The following ZNF385D variants were observed in gnomAD, a reference collection of about 807,000 sequenced individuals.
ZNF385D encodes zinc finger protein 659.
Under a neutral mutation model 35.8 loss-of-function variants are expected in ZNF385D, and 15 were observed. The ratio of observed to expected loss-of-function variants is 0.42; its 90% CI spans 0.28 to 0.64. The LOEUF (loss-of-function observed/expected upper bound fraction) is 0.64, where lower values mean the gene tolerates loss of function less well. Ranked by LOEUF, ZNF385D falls within the 30% of genes least tolerant of loss-of-function variation. ZNF385D has a pLI of 0.23. For synonymous variants in ZNF385D, 212 were observed against 186.8 expected (o/e 1.13, Z -1.10); for missense variants, 474 against 494.6 (o/e 0.96, Z 0.39).
intron 2 of ZNF385D, among the ~76,000 whole-genome samples, chr3:22,267,544 C>G (rs923638983): frequency 3.3e-5 from 5 of 151,828 alleles, no homozygotes; most frequent in African/African-American, 1.2e-4. Context: ...ATAGTCAAAT[C>G]AATATTTCTC....
intron 2 of ZNF385D, among the ~76,000 whole-genome samples, chr3:21,614,595 T>C (rs986012650): frequency 1.3e-5 from 2 of 152,040 alleles, no homozygotes; most frequent in African/African-American, 4.8e-5. Flanking sequence ...GATTTTTTGT[T>C]TGTTTGTTTT....
chr3:22,028,241 G>C (rs528364412), intron 3 of ZNF385D, among the ~76,000 whole-genome samples: 5 of 152,272 alleles, frequency 3.3e-5, no homozygotes, highest in African/African-American at 9.6e-5. Context: ...TGTGACCTCA[G>C]CAGAAGAGAA....
intron 3 of ZNF385D, among the ~76,000 whole-genome samples, chr3:21,976,901 T>C (rs967861903): frequency 2.0e-5 from 3 of 152,118 alleles, no homozygotes; most frequent in Admixed American, 1.3e-4. Flanking sequence ...GGAAGGAGAA[T>C]TGTTTGAACC....
At chr3:22,266,341 T>C (rs1700894521) in intron 2 of ZNF385D, among the ~76,000 whole-genome samples, 1 of 151,910 alleles carries the variant, frequency 6.6e-6, no homozygotes, top group South Asian at 2.1e-4. Flanking sequence ...TTAATGCACA[T>C]CTCTTGATCA....
At chr3:22,287,219 G>A (rs181924828) in intron 2 of ZNF385D, among the ~76,000 whole-genome samples, 2 of 151,984 alleles carry the variant, frequency 1.3e-5, no homozygotes, top group East Asian at 3.9e-4. Flanking sequence ...CCATTGCATA[G>A]GATATATTTT....
Position 22,113,059 on chromosome 3 carries a change from C to T in ZNF385D, c.325+55758G>A, listed in dbSNP as rs114393804. ...TTTGTGGAAATGAAGTAGATTGGAC[C>T]CAAAGTGACAAATCATTTACACATC... On this transcript the variant is annotated intron_variant, in intron 3 of 5. Coordinates refer to the ZNF385D transcript ENST00000494108. Among the ~76,000 whole-genome samples, 687 of 152,018 alleles carry T rather than the reference C, an allele frequency of 4.5e-3. 9 individuals carry two copies. The highest frequency in any genetic ancestry group is 0.015 in the African/African-American group (631 of 41,480).
chr3:21,976,179 C>G (rs1033747798), intron 3 of ZNF385D, among the ~76,000 whole-genome samples: 1 of 152,066 alleles, frequency 6.6e-6, no homozygotes, highest in African/African-American at 2.4e-5. Flanking sequence ...TCTTCTTGGC[C>G]TGCCAGAGGA....
At chr3:21,482,498 AC>A (rs1423863838) in intron 4 of ZNF385D, among the ~76,000 whole-genome samples, 2 of 152,164 alleles carry the variant, frequency 1.3e-5, no homozygotes, top group Admixed American at 1.3e-4. Context: ...GCCCATGGTC[AC>A]TGAAGTTCAG....
intron 3 of ZNF385D, among the ~76,000 whole-genome samples, chr3:21,523,214 T>C (rs920908272): frequency 6.6e-6 from 1 of 152,178 alleles, no homozygotes; most frequent in African/African-American, 2.4e-5. Flanking sequence ...GCAACTATCA[T>C]GGGAATTTTA....
At chr3:22,252,517 G>GA in intron 2 of ZNF385D, among the ~76,000 whole-genome samples, 1 of 152,118 alleles carries the variant, frequency 6.6e-6, no homozygotes, top group South Asian at 2.1e-4. Context: ...TGGGAGCAAA[G>GA]AAAAGAAAAC....
At chr3:21,992,204 T>C (rs1695191602) in intron 3 of ZNF385D, among the ~76,000 whole-genome samples, 1 of 152,034 alleles carries the variant, frequency 6.6e-6, no homozygotes, top group Non-Finnish European at 1.5e-5. Context: ...CAACATAATA[T>C]CTAATTTCAC....
At chr3:21,766,007 A>C (rs1238055169) in intron 3 of ZNF385D, among the ~76,000 whole-genome samples, 1 of 152,104 alleles carries the variant, frequency 6.6e-6, no homozygotes, top group African/African-American at 2.4e-5. Flanking sequence ...TTTTGACTAC[A>C]TGTAAACAAG....
intron 3 of ZNF385D, among the ~76,000 whole-genome samples, chr3:21,756,824 A>T (rs955737074): frequency 6.6e-6 from 1 of 152,198 alleles, no homozygotes; most frequent in South Asian, 2.1e-4. Flanking sequence ...ACAGTTTGAA[A>T]ATTAAATAAA....
intron 2 of ZNF385D, among the ~76,000 whole-genome samples, chr3:21,593,017 C>T (rs1559440892): frequency 6.6e-6 from 1 of 152,114 alleles, no homozygotes; most frequent in Non-Finnish European, 1.5e-5. Flanking sequence ...GTGGCAGATC[C>T]TTGCGTGACC....
intron 2 of ZNF385D, among the ~76,000 whole-genome samples, chr3:22,366,855 A>C (rs770353293): frequency 5.3e-5 from 8 of 152,190 alleles, no homozygotes; most frequent in Non-Finnish European, 1.0e-4. Context: ...GAGATCAGAC[A>C]CTCAGAGAAG....
intron 2 of ZNF385D, among the ~76,000 whole-genome samples, chr3:21,630,121 A>AATTT (rs2065240383): frequency 6.6e-6 from 1 of 152,110 alleles, no homozygotes; most frequent in Non-Finnish European, 1.5e-5. Context: ...TTTTCCTCAA[A>AATTT]ATTTATTTAT....
At chr3:21,811,552 T>C (rs985074655) in intron 3 of ZNF385D, among the ~76,000 whole-genome samples, 1 of 152,090 alleles carries the variant, frequency 6.6e-6, no homozygotes, top group Non-Finnish European at 1.5e-5. Flanking sequence ...CAAAACAAAA[T>C]GGAGCTCAGA....
chr3:22,294,195 T>A (rs530176579), intron 2 of ZNF385D, among the ~76,000 whole-genome samples: 1 of 152,062 alleles, frequency 6.6e-6, no homozygotes. Flanking sequence ...CTATACTGGG[T>A]AGGTATAGGA....
intron 3 of ZNF385D, among the ~76,000 whole-genome samples, chr3:21,977,754 T>C (rs1051462910): frequency 1.3e-5 from 2 of 152,100 alleles, no homozygotes; most frequent in African/African-American, 4.8e-5. Flanking sequence ...GAGGATCGCT[T>C]GAGCCCAGCA....
Sources: gnomAD v4.1 joint callset for allele counts (sites outside exome capture counted in the v4.1 genomes callset) on GRCh38, gnomAD v4.1.1 for gene constraint, MANE v1.5 for transcripts, NCBI Gene and HGNC (gene_info 2026-07-23, HGNC 2026-07-21) for gene names.